The following ARHGEF26 variants were observed in gnomAD, a reference collection of about 807,000 sequenced individuals.
The protein encoded by ARHGEF26 is Rho guanine nucleotide exchange factor (GEF) 26.
Under a neutral mutation model 89.4 loss-of-function variants are expected in ARHGEF26, and 59 were observed. That is an observed-to-expected ratio of 0.66 (90% confidence interval 0.54 to 0.82). The LOEUF (loss-of-function observed/expected upper bound fraction) is 0.82. Among genes scored for constraint, ARHGEF26 ranks in the 40% least tolerant of loss-of-function variants. ARHGEF26 has a pLI of 0.00. For synonymous variants in ARHGEF26, 500 were observed against 428.4 expected, an observed-to-expected ratio of 1.17 and a Z score of -2.06; for missense variants, 1,234 against 1,085.6, an observed-to-expected ratio of 1.14 and a Z score of -1.92.
intron 9 of ARHGEF26, among the ~76,000 whole-genome samples, chr3:154,216,374 T>C (rs978433228): frequency 2.6e-5 from 4 of 151,912 alleles, no homozygotes; most frequent in African/African-American, 9.7e-5. Flanking sequence ...ATAGATAATT[T>C]AGTGCTTCTA....
intron 12 of ARHGEF26, among the ~76,000 whole-genome samples, chr3:154,240,791 C>T (rs1316313348): frequency 1.3e-5 from 2 of 152,222 alleles, no homozygotes; most frequent in African/African-American, 2.4e-5. Context: ...TATTTTTTCC[C>T]TATAAGTCCT....
chr3:154,251,743 A>G (rs1191552485), intron 12 of ARHGEF26, among the ~76,000 whole-genome samples: 1 of 152,226 alleles, frequency 6.6e-6, no homozygotes, highest in African/African-American at 2.4e-5. Flanking sequence ...AAAAGCATAC[A>G]TACTAAAGGA....
At position 154,180,897 on chromosome 3, in the gene ARHGEF26, A is replaced by G. The variant is rs527508948; in HGVS notation, c.1488-6788A>G. Among the ~76,000 whole-genome samples, 6 of 152,198 alleles carry G rather than the reference A, an allele frequency of 3.9e-5. No homozygotes were observed. In the South Asian group the frequency reaches 6.2e-4, roughly 16 times the overall value. ...TTTGTGTCGAATCAACACATTTCCT[A>G]TCACTGTTAGTCTCTGGTGAAGGAT... On this transcript the variant is annotated intron_variant, in intron 6 of 14. Coordinates refer to ENST00000465093, the MANE Select transcript of ARHGEF26 (RefSeq NM_015595.4).
At chr3:154,190,930 T>C (rs962427356) in intron 7 of ARHGEF26, among the ~76,000 whole-genome samples, 3 of 152,154 alleles carry the variant, frequency 2.0e-5, no homozygotes, top group Non-Finnish European at 4.4e-5. Context: ...TTATAGATGA[T>C]CGGATATAAA....
intron 4 of ARHGEF26, among the ~76,000 whole-genome samples, chr3:154,143,965 C>T (rs535798628): frequency 4.6e-5 from 7 of 152,252 alleles, no homozygotes; most frequent in South Asian, 4.2e-4. Flanking sequence ...TAGCCCACAG[C>T]GGGAAATGCA....
chr3:154,165,702 C>T (rs1711974842), intron 6 of ARHGEF26, among the ~76,000 whole-genome samples: 2 of 152,184 alleles, frequency 1.3e-5, no homozygotes, highest in Admixed American at 6.5e-5. Context: ...TGTCCCTCTG[C>T]ATGTCAGCTG....
chr3:154,223,246 A>T (rs1294069160), intron 10 of ARHGEF26, among the ~76,000 whole-genome samples: 2 of 152,162 alleles, frequency 1.3e-5, no homozygotes, highest in Non-Finnish European at 2.9e-5. Flanking sequence ...CCTTGCTAAC[A>T]ATGGAAATCC....
chr3:154,123,229 C>G (rs1411451920), intron 2 of ARHGEF26, among the ~76,000 whole-genome samples, 154 bp downstream of exon 2: 1 of 152,156 alleles, frequency 6.6e-6, no homozygotes, highest in Non-Finnish European at 1.5e-5. Flanking sequence ...AGCTCTTGGC[C>G]ACTTTGATGC....
At chr3:154,221,159 C>A (rs1261206923) in intron 10 of ARHGEF26, among the ~76,000 whole-genome samples, 12 of 147,982 alleles carry the variant, frequency 8.1e-5, no homozygotes, top group East Asian at 2.0e-4. Flanking sequence ...AAAAAAAAAA[C>A]CACTAGAAAG....
In ARHGEF26 at chr3:154,256,699, A is replaced by C. The variant is rs1718535009; in HGVS notation, c.*1226A>C. ...GCTGGAACACACTACAGTAATCTCAAGGAAGGGAAAATTAGGCCTTAAAAG... is the reference window on the plus strand; with the variant it reads ...GCTGGAACACACTACAGTAATCTCACGGAAGGGAAAATTAGGCCTTAAAAG... On this transcript the variant is annotated 3_prime_UTR_variant, in exon 15 of 15. Transcript: ENST00000465093. 1 of 1,327,144 alleles carries C rather than the reference A, an allele frequency of 7.5e-7. No individual in the cohort carries two copies. The allele number at this position is 1,327,144 out of a possible 1,614,324, so 82.2% of individuals were successfully genotyped here. A position where few individuals can be genotyped will look rare whatever the true frequency, so the allele number is the denominator to read the frequency against.
intron 9 of ARHGEF26, 86 bp downstream of exon 9, chr3:154,194,804 A>C: frequency 8.5e-7 from 1 of 1,172,306 alleles, no homozygotes; most frequent in Non-Finnish European, 1.2e-6. Context: ...TGATGCTGAA[A>C]ACTGGTAGAG....
intron 11 of ARHGEF26, among the ~76,000 whole-genome samples, chr3:154,230,340 C>A (rs1000053449): frequency 2.8e-4 from 42 of 152,210 alleles, no homozygotes; most frequent in African/African-American, 9.4e-4. Context: ...TTTTCAAGGT[C>A]TTTCAGCAGA....
At chr3:154,252,745 T>C (rs1017719303) in intron 12 of ARHGEF26, among the ~76,000 whole-genome samples, 2 of 152,178 alleles carry the variant, frequency 1.3e-5, no homozygotes, top group African/African-American at 4.8e-5. Context: ...ATTAGTAGGA[T>C]TTTTAAAAAA....
intron 4 of ARHGEF26, among the ~76,000 whole-genome samples, chr3:154,147,670 A>C (rs887747970): frequency 3.9e-5 from 6 of 152,238 alleles, no homozygotes; most frequent in Non-Finnish European, 7.3e-5. Context: ...CAAAGCCTGG[A>C]ACATCAAGTG....
At chr3:154,164,659 G>A (rs1014664582) in intron 6 of ARHGEF26, among the ~76,000 whole-genome samples, 1 of 152,156 alleles carries the variant, frequency 6.6e-6, no homozygotes, top group Non-Finnish European at 1.5e-5. Context: ...TTTTCTAGCA[G>A]AGAAGAGTAA....
At chr3:154,224,945 G>A (rs1716395027) in intron 10 of ARHGEF26, among the ~76,000 whole-genome samples, 1 of 151,862 alleles carries the variant, frequency 6.6e-6, no homozygotes, top group African/African-American at 2.4e-5. Context: ...AAAGGGTGAT[G>A]TTTGATTGCA....
At chr3:154,148,954 A>G (rs1362258482) in intron 4 of ARHGEF26, among the ~76,000 whole-genome samples, 1 of 152,190 alleles carries the variant, frequency 6.6e-6, no homozygotes, top group Non-Finnish European at 1.5e-5. Context: ...CCCAACCCTT[A>G]GAAATGGGAT....
At chr3:154,150,584 A>G (rs1719963105) in intron 5 of ARHGEF26, among the ~76,000 whole-genome samples, 1 of 152,180 alleles carries the variant, frequency 6.6e-6, no homozygotes, top group Non-Finnish European at 1.5e-5. Context: ...TTCAATCATC[A>G]TATAGTACTC....
At chr3:154,165,835 T>G (rs1203211060) in intron 6 of ARHGEF26, among the ~76,000 whole-genome samples, 1 of 152,184 alleles carries the variant, frequency 6.6e-6, no homozygotes, top group African/African-American at 2.4e-5. Flanking sequence ...TGGAGAATTC[T>G]TTTTCGTACC....
Sources: gnomAD v4.1 joint callset for allele counts (sites outside exome capture counted in the v4.1 genomes callset) on GRCh38, gnomAD v4.1.1 for gene constraint, MANE v1.5 for transcripts, NCBI Gene and HGNC (gene_info 2026-07-23, HGNC 2026-07-21) for gene names.